PDE4B: variants seen among roughly 807,000 people sequenced by gnomAD.
PDE4B encodes phosphodiesterase 4B, also known as 3',5'-cyclic-AMP phosphodiesterase 4B.
In PDE4B, 20 loss-of-function variants were observed where a neutral mutation model predicts 82.2. The observed-to-expected ratio is 0.24, with a 90% CI of 0.17 to 0.35. The LOEUF (loss-of-function observed/expected upper bound fraction) is 0.35, where lower values mean the gene tolerates loss of function less well. Ranked by LOEUF, PDE4B falls within the 10% of genes least tolerant of loss-of-function variation. PDE4B has a pLI of 1.00. For synonymous variants in PDE4B, 320 were observed against 318.9 expected (o/e 1.00, Z -0.04); for missense variants, 655 against 907.2 (o/e 0.72, Z 3.57).
At chr1:66,106,918 T>C (rs1463586680) in intron 3 of PDE4B, among the ~76,000 whole-genome samples, 2 of 138,028 alleles carry the variant, frequency 1.4e-5, no homozygotes, top group Non-Finnish European at 3.2e-5. Flanking sequence ...TTTTGAAGGG[T>C]TTTTTGTGTC....
chr1:66,324,128 C>T (rs557216143), intron 7 of PDE4B, among the ~76,000 whole-genome samples: 4 of 152,214 alleles, frequency 2.6e-5, no homozygotes, highest in African/African-American at 9.6e-5. Flanking sequence ...CAAAAGGAAA[C>T]AGTGCTATGA....
chr1:66,177,451 G>A (rs1451158976), intron 3 of PDE4B, among the ~76,000 whole-genome samples: 2 of 152,186 alleles, frequency 1.3e-5, no homozygotes, highest in African/African-American at 4.8e-5. Context: ...GGCATATCCA[G>A]GAATTCAGGT....
chr1:65,917,467 C>T (rs999690118), intron 2 of PDE4B, among the ~76,000 whole-genome samples: 3 of 152,156 alleles, frequency 2.0e-5, no homozygotes, highest in African/African-American at 7.2e-5. Context: ...AAAATTGTAA[C>T]TTTGAAACCT....
chr1:66,280,090 A>C (rs1656187985), intron 7 of PDE4B, among the ~76,000 whole-genome samples: 1 of 152,262 alleles, frequency 6.6e-6, no homozygotes, highest in Non-Finnish European at 1.5e-5. Flanking sequence ...CTCTTCTACA[A>C]ACAAGATGTA....
intron 3 of PDE4B, among the ~76,000 whole-genome samples, chr1:66,033,219 G>A (rs1653887552): frequency 6.6e-6 from 1 of 152,104 alleles, no homozygotes; most frequent in Non-Finnish European, 1.5e-5. Flanking sequence ...ATCCCTAGAA[G>A]TCACTTTAAT....
At chr1:66,035,756 A>G (rs1654027729) in intron 3 of PDE4B, among the ~76,000 whole-genome samples, 1 of 152,174 alleles carries the variant, frequency 6.6e-6, no homozygotes. Flanking sequence ...TTTATAGACA[A>G]AAGTTATTTC....
intron 3 of PDE4B, among the ~76,000 whole-genome samples, chr1:66,207,420 A>T (rs1227208026): frequency 6.6e-6 from 1 of 152,198 alleles, no homozygotes; most frequent in Non-Finnish European, 1.5e-5. Context: ...TTTATGACCC[A>T]TGGGTCACTG....
intron 3 of PDE4B, among the ~76,000 whole-genome samples, chr1:66,037,260 A>G (rs1195144584): frequency 2.0e-5 from 3 of 152,192 alleles, no homozygotes; most frequent in Non-Finnish European, 4.4e-5. Context: ...TAATTCTTCC[A>G]GTCTATAAAC....
At chr1:65,890,462 A>G (rs945530968) in intron 1 of PDE4B, among the ~76,000 whole-genome samples, 2 of 152,230 alleles carry the variant, frequency 1.3e-5, no homozygotes, top group East Asian at 3.9e-4. Flanking sequence ...AGCTTTGCTT[A>G]CTGTGGTAAC....
At chr1:66,192,565 A>G (rs1453060751) in intron 3 of PDE4B, among the ~76,000 whole-genome samples, 1 of 152,170 alleles carries the variant, frequency 6.6e-6, no homozygotes, top group Non-Finnish European at 1.5e-5. Context: ...TCATATTTAT[A>G]CCCATTACCC....
intron 3 of PDE4B, among the ~76,000 whole-genome samples, chr1:66,182,201 C>T (rs1028357254): frequency 3.9e-5 from 6 of 151,988 alleles, no homozygotes; most frequent in Non-Finnish European, 8.8e-5. Flanking sequence ...CAGGGTTTTT[C>T]GGTGTGGTTG....
intron 3 of PDE4B, among the ~76,000 whole-genome samples, chr1:66,234,288 AATT>A (rs1403130174): frequency 6.6e-6 from 1 of 152,166 alleles, no homozygotes; most frequent in East Asian, 1.9e-4. Context: ...GTACTGGCAT[AATT>A]ATTATTATTA....
intron 7 of PDE4B, among the ~76,000 whole-genome samples, chr1:66,278,401 C>A (rs532086044): frequency 2.0e-5 from 3 of 152,202 alleles, no homozygotes; most frequent in Non-Finnish European, 2.9e-5. Flanking sequence ...CCAATCTGGA[C>A]TGCCATCTGC....
chr1:66,051,317 G>C (rs777373073), intron 3 of PDE4B, among the ~76,000 whole-genome samples: 1 of 152,098 alleles, frequency 6.6e-6, no homozygotes, highest in African/African-American at 2.4e-5. Flanking sequence ...TCTGTGACAA[G>C]TCACTCGACC....
chr1:66,204,230 G>A (rs764450968), intron 3 of PDE4B, among the ~76,000 whole-genome samples: 7 of 152,288 alleles, frequency 4.6e-5, no homozygotes, highest in Admixed American at 6.5e-5. Flanking sequence ...AGGAGTACCC[G>A]GCTGTGTGAG....
intron 3 of PDE4B, among the ~76,000 whole-genome samples, chr1:66,186,976 T>C (rs953592750): frequency 2.6e-5 from 4 of 152,242 alleles, no homozygotes; most frequent in Non-Finnish European, 4.4e-5. Flanking sequence ...GGGTTTGTCA[T>C]AGATGGCTCT....
At chr1:65,955,131 A>C (rs1037597266) in intron 3 of PDE4B, among the ~76,000 whole-genome samples, 3 of 152,086 alleles carry the variant, frequency 2.0e-5, no homozygotes, top group African/African-American at 7.2e-5. Context: ...TAGTTCTGTC[A>C]GAGAGGGCAG....
intron 2 of PDE4B, among the ~76,000 whole-genome samples, chr1:65,915,946 T>G (rs1357887658): frequency 1.3e-5 from 2 of 152,206 alleles, no homozygotes; most frequent in East Asian, 3.8e-4. Flanking sequence ...TGTTCCTTTC[T>G]GCAAAATATT....
chr1:66,236,090 A>G (rs1652417936), intron 3 of PDE4B, among the ~76,000 whole-genome samples: 1 of 152,184 alleles, frequency 6.6e-6, no homozygotes, highest in Non-Finnish European at 1.5e-5. Context: ...TTAGCGGTTC[A>G]TTATATGCTT....
Sources: gnomAD v4.1 joint callset for allele counts (sites outside exome capture counted in the v4.1 genomes callset) on GRCh38, gnomAD v4.1.1 for gene constraint, MANE v1.5 for transcripts, NCBI Gene and HGNC (gene_info 2026-07-23, HGNC 2026-07-21) for gene names.